PRG4: variants seen among roughly 807,000 people sequenced by gnomAD.
PRG4 encodes proteoglycan 4.
In PRG4, 61 loss-of-function variants were observed where a neutral mutation model predicts 91.2. The ratio of observed to expected loss-of-function variants is 0.67; its 90% confidence interval spans 0.54 to 0.83. The LOEUF is 0.83. Among genes scored for constraint, PRG4 ranks in the 40% least tolerant of loss-of-function variants. The pLI is 0.00. For missense variants in PRG4, 1,564 were observed against 1,714.2 expected, an observed-to-expected ratio of 0.91 and a Z score of 1.55; for synonymous variants, 576 against 614.2, an observed-to-expected ratio of 0.94 and a Z score of 0.92.
At chr1:186,296,482 T>C (rs1016432841) in intron 1 of PRG4, among the ~76,000 whole-genome samples, 189 bp downstream of exon 1, 1 of 152,224 alleles carries the variant, frequency 6.6e-6, no homozygotes, top group African/African-American at 2.4e-5. Context: ...CCATGATGCT[T>C]ATTAAATTAC....
In PRG4 at chr1:186,314,116, C is replaced by CT. The variant is rs1382206401; in HGVS notation, c.*339dup. The CT allele has an allele frequency of 2.8e-5, 35 of 1,241,910 alleles. No homozygotes were observed. Among genetic ancestry groups the CT allele is most frequent in the Non-Finnish European group, 3.8e-5 (33 of 879,052 alleles). The allele number at this position is 1,241,910 out of a possible 1,614,324, so 76.9% of individuals were successfully genotyped here. ...TACCCTAGTTCATTATAAAAAATAT[C>CT]TAGGCATTGTGGATATAAAACTGTT... On this transcript the variant is annotated 3_prime_UTR_variant, in exon 13 of 13. Coordinates refer to ENST00000445192, the MANE Select transcript of PRG4 (RefSeq NM_005807.6).
Position 186,307,046 on chromosome 1 carries a change from C to A in PRG4, c.1327C>A (p.Pro443Thr). Residue 443 changes from proline to threonine, a missense_variant, in exon 7 of 13, where the codon CCT (proline) becomes ACT (threonine). Physicochemically the swap from Pro to Thr is conservative, Grantham distance 38. Coordinates refer to ENST00000445192, the MANE Select transcript of PRG4 (RefSeq NM_005807.6). ...KEPAPTTPKK[P>T]APTTPKEPAP... ...GCCTGCACCCACCACCCCCAAGAAG[C>A]CTGCCCCAACTACCCCCAAGGAGCC... 6.6e-7 allele frequency: 1 copy of A among 1,508,466 alleles called. No homozygotes were observed. Among genetic ancestry groups the A allele is most frequent in the Non-Finnish European group, 8.9e-7 (1 of 1,121,930 alleles). The allele number at this position is 1,508,466 out of a possible 1,614,324, so 93.4% of individuals were successfully genotyped here.
At chr1:186,305,518 T>C (rs897695865) in intron 6 of PRG4, among the ~76,000 whole-genome samples, 1 of 152,220 alleles carries the variant, frequency 6.6e-6, no homozygotes, top group Admixed American at 6.5e-5. Flanking sequence ...GAAGTTCTGG[T>C]TCTAAATATA....
chr1:186,304,359 G>T, intron 5 of PRG4, 102 bp downstream of exon 5: 1 of 1,353,980 alleles, frequency 7.4e-7, no homozygotes, highest in Non-Finnish European at 1.0e-6. Context: ...GTAATCTTAG[G>T]AATCATGAGC....
intron 2 of PRG4, among the ~76,000 whole-genome samples, chr1:186,299,757 T>C (rs1259032963): frequency 6.6e-6 from 1 of 152,212 alleles, no homozygotes; most frequent in Non-Finnish European, 1.5e-5. Context: ...AGAAGCTCAA[T>C]AAATGGCAAC....
intron 12 of PRG4, chr1:186,313,458 A>G: frequency 2.0e-6 from 1 of 501,804 alleles, no homozygotes; most frequent in South Asian, 2.5e-5. Context: ...GCTGAACCTG[A>G]TTTTACAAAA....
intron 6 of PRG4, among the ~76,000 whole-genome samples, chr1:186,305,136 A>G (rs1020452153): frequency 6.6e-6 from 1 of 152,220 alleles, no homozygotes; most frequent in African/African-American, 2.4e-5. Flanking sequence ...GGATAAGAAG[A>G]TGCTGTAGCA....
intron 6 of PRG4, 78 bp downstream of exon 6, chr1:186,305,000 G>A: frequency 6.9e-7 from 1 of 1,454,852 alleles, no homozygotes; most frequent in Non-Finnish European, 9.6e-7. Context: ...ATGCGTGTTG[G>A]CAGAATGAGG....
intron 9 of PRG4, 52 bp from the exon 10 acceptor site, chr1:186,311,388 C>T: frequency 1.3e-6 from 2 of 1,576,348 alleles, no homozygotes; most frequent in Non-Finnish European, 1.7e-6. Flanking sequence ...AAAGGAGTTC[C>T]AAATCTTTTT....
rs1043494010 is a variant in PRG4, at chr1:186,314,166, A to C, written c.*388A>C. ...TGGGTATTCTACAACTTCAATGGAAATTATTACAAGCAGATTAATCCCTCT... is the reference window on the plus strand; with the variant it reads ...TGGGTATTCTACAACTTCAATGGAACTTATTACAAGCAGATTAATCCCTCT... On this transcript the variant is annotated 3_prime_UTR_variant, in exon 13 of 13. Coordinates refer to ENST00000445192, the MANE Select transcript of PRG4 (RefSeq NM_005807.6). 4 of 687,900 alleles carry C rather than the reference A, an allele frequency of 5.8e-6. No individual in the cohort carries two copies. The highest frequency in any genetic ancestry group is 9.5e-6 in the Non-Finnish European group (4 of 422,490). The allele number at this position is 687,900 out of a possible 1,614,324, so 42.6% of individuals were successfully genotyped here.
chr1:186,296,312 T>C lies in PRG4; in HGVS notation c.-31+19T>C, dbSNP rs1474413769. ...TTTACGGGTAAGTGTCAAAGTTAAC[T>C]TGCTTCATAGAATTAAATGTGTTTT... On this transcript the variant is annotated intron_variant, in intron 1 of 12. Coordinates refer to ENST00000445192, the MANE Select transcript of PRG4 (RefSeq NM_005807.6). 6.5e-6 allele frequency: 1 copy of C among 154,752 alleles called. No homozygotes were observed. Among genetic ancestry groups the C allele is most frequent in the Non-Finnish European group, 1.4e-5 (1 of 69,706 alleles). 9.6% of individuals were successfully genotyped at this position (154,752 alleles called of 1,614,324 possible).
chr1:186,300,583 G>A (rs1234955823), intron 3 of PRG4, among the ~76,000 whole-genome samples: 1 of 152,206 alleles, frequency 6.6e-6, no homozygotes, highest in Non-Finnish European at 1.5e-5. Flanking sequence ...AATCAGAGAT[G>A]TCCTCGACTA....
At chr1:186,311,750 T>A (rs1020968821) in intron 10 of PRG4, 154 bp downstream of exon 10, 5 of 778,924 alleles carry the variant, frequency 6.4e-6, no homozygotes, top group Admixed American at 2.9e-5. Flanking sequence ...AGTATTCTTA[T>A]TGCCCTCAAT....
chr1:186,310,144 G>A (rs1381378514), intron 8 of PRG4, among the ~76,000 whole-genome samples: 1 of 123,116 alleles, frequency 8.1e-6, no homozygotes, highest in African/African-American at 3.0e-5. Flanking sequence ...TTGGGGGGGG[G>A]GGGTAGTTAA....
At chr1:186,310,269 ACTCT>A (rs563765329) in intron 8 of PRG4, among the ~76,000 whole-genome samples, 7 of 152,058 alleles carry the variant, frequency 4.6e-5, no homozygotes, top group South Asian at 2.1e-4. Flanking sequence ...CAAGTGTTAC[ACTCT>A]CTGTCGGAGA....
chr1:186,309,707 T>C (rs61566845), intron 7 of PRG4, 86 bp from the exon 8 acceptor site: 1 of 1,010,834 alleles, frequency 9.9e-7, no homozygotes, highest in Admixed American at 1.7e-5. Flanking sequence ...AAACAGGAAA[T>C]AGAACCATGT....
chr1:186,303,194 G>C (rs2102014593), intron 4 of PRG4, among the ~76,000 whole-genome samples: 1 of 152,254 alleles, frequency 6.6e-6, no homozygotes, highest in Admixed American at 6.5e-5. Context: ...ATGTGAAAGA[G>C]AAAACAGAGT....
chr1:186,300,281 C>G (rs1373621381), intron 3 of PRG4, 68 bp downstream of exon 3: 16 of 1,596,650 alleles, frequency 1.0e-5, no homozygotes, highest in Non-Finnish European at 1.4e-5. Flanking sequence ...CCCCTTGCAC[C>G]CTCGTGCAGT....
intron 7 of PRG4, 41 bp from the exon 8 acceptor site, chr1:186,309,752 A>C (rs775289313): frequency 2.9e-6 from 4 of 1,396,302 alleles, no homozygotes; most frequent in Non-Finnish European, 3.1e-6. Context: ...GACTTTTCTC[A>C]TTCTGTTCTA....
Sources: gnomAD v4.1 joint callset for allele counts (sites outside exome capture counted in the v4.1 genomes callset) on GRCh38, gnomAD v4.1.1 for gene constraint, MANE v1.5 for transcripts, NCBI Gene and HGNC (gene_info 2026-07-23, HGNC 2026-07-21) for gene names.